The following KCNIP1 variants were observed in gnomAD, a reference collection of about 807,000 sequenced individuals.
KCNIP1 encodes the protein potassium voltage-gated channel interacting protein 1.
A neutral mutation model predicts 33.0 loss-of-function variants in KCNIP1; 18 were observed. That is an observed-to-expected ratio of 0.55 (90% CI 0.38 to 0.81). KCNIP1 has a LOEUF of 0.81. Among genes scored for constraint, KCNIP1 ranks in the 30% least tolerant of loss-of-function variants. The pLI is 0.00. For missense variants in KCNIP1, 238 were observed against 271.6 expected, an observed-to-expected ratio of 0.88 and a Z score of 0.87; for synonymous variants, 93 against 98.3, an observed-to-expected ratio of 0.95 and a Z score of 0.32.
chr5:170,423,298 T>C (rs1309929023), intron 1 of KCNIP1, among the ~76,000 whole-genome samples: 5 of 151,902 alleles, frequency 3.3e-5, no homozygotes, highest in African/African-American at 1.2e-4. Flanking sequence ...TTTTTTTTTT[T>C]TCAATTCCTA....
intron 1 of KCNIP1, among the ~76,000 whole-genome samples, chr5:170,597,432 G>A (rs1341902213): frequency 6.6e-6 from 1 of 152,058 alleles, no homozygotes; most frequent in Admixed American, 6.5e-5. Flanking sequence ...CTTTATCTGT[G>A]CTTGCAAAGA....
chr5:170,434,987 G>C (rs1207189030), intron 1 of KCNIP1, among the ~76,000 whole-genome samples: 1 of 152,166 alleles, frequency 6.6e-6, no homozygotes. Flanking sequence ...AGGATGGAAG[G>C]GAACGCCCAG....
At chr5:170,456,823 A>G (rs1413662763) in intron 1 of KCNIP1, among the ~76,000 whole-genome samples, 1 of 151,844 alleles carries the variant, frequency 6.6e-6, no homozygotes, top group Non-Finnish European at 1.5e-5. Context: ...GACTTAAGTG[A>G]TCCTCCTACC....
At chr5:170,524,522 A>G (rs995703171) in intron 1 of KCNIP1, among the ~76,000 whole-genome samples, 2 of 152,166 alleles carry the variant, frequency 1.3e-5, no homozygotes, top group Admixed American at 1.3e-4. Context: ...AATAGTAATA[A>G]CAGAACCCAT....
chr5:170,379,708 G>T (rs1764162033), intron 1 of KCNIP1, among the ~76,000 whole-genome samples: 1 of 152,146 alleles, frequency 6.6e-6, no homozygotes, highest in African/African-American at 2.4e-5. Flanking sequence ...TAACACTTTG[G>T]GAAGCCGAAG....
chr5:170,699,555 T>TG (rs991954585), intron 1 of KCNIP1, among the ~76,000 whole-genome samples: 5 of 118,224 alleles, frequency 4.2e-5, no homozygotes, highest in Non-Finnish European at 5.2e-5. Flanking sequence ...AATTGCTCTG[T>TG]GAAAAAAAAA....
intron 1 of KCNIP1, among the ~76,000 whole-genome samples, chr5:170,527,092 T>A (rs1755605265): frequency 6.6e-6 from 1 of 152,094 alleles, no homozygotes. Flanking sequence ...GCTTCCCTTG[T>A]CCCTCCCTCA....
Position 170,498,521 on chromosome 5 carries a change from C to T in KCNIP1, c.88+144557C>T, listed in dbSNP as rs556279045. ...CTGCTACCCTGAACTTACTGCACCA[C>T]TCTTTCCTTCCTAGCCTGAATGCAA... On this transcript the variant is annotated intron_variant, in intron 1 of 7. Transcript: ENST00000377360. Among the ~76,000 whole-genome samples the T allele has an allele frequency of 5.3e-5, 8 of 152,296 alleles. No individual in the cohort carries two copies. The South Asian group carries it at 1.0e-3, about 20-fold the overall frequency.
At chr5:170,595,934 C>T (rs1239576314) in intron 1 of KCNIP1, among the ~76,000 whole-genome samples, 1 of 152,086 alleles carries the variant, frequency 6.6e-6, no homozygotes, top group Admixed American at 6.6e-5. Context: ...ATGTGAGATG[C>T]ATGTGGGAGT....
intron 1 of KCNIP1, among the ~76,000 whole-genome samples, chr5:170,634,852 G>A (rs1419755683): frequency 6.6e-6 from 1 of 152,202 alleles, no homozygotes; most frequent in Non-Finnish European, 1.5e-5. Flanking sequence ...AGGCATTGCT[G>A]TTAGGAATTG....
intron 1 of KCNIP1, among the ~76,000 whole-genome samples, chr5:170,438,747 C>A (rs1271273295): frequency 6.6e-6 from 1 of 152,158 alleles, no homozygotes; most frequent in East Asian, 1.9e-4. Flanking sequence ...TGGTCTAGAA[C>A]ACTCCCTGTA....
chr5:170,415,157 A>AGGAC (rs1276757196), intron 1 of KCNIP1, among the ~76,000 whole-genome samples: 6 of 152,272 alleles, frequency 3.9e-5, no homozygotes, highest in African/African-American at 1.4e-4. Flanking sequence ...ATAACCCACG[A>AGGAC]GGACGTTGTT....
chr5:170,360,335 C>T (rs1012150214), intron 1 of KCNIP1, among the ~76,000 whole-genome samples: 2 of 152,220 alleles, frequency 1.3e-5, no homozygotes, highest in African/African-American at 4.8e-5. Context: ...TGGGCTCCAA[C>T]CCTGCCATGC....
intron 5 of KCNIP1, among the ~76,000 whole-genome samples, chr5:170,723,844 G>C (rs1031267810): frequency 2.0e-5 from 3 of 152,194 alleles, no homozygotes; most frequent in Non-Finnish European, 4.4e-5. Flanking sequence ...AAAAAGCCAG[G>C]AAAAGTGTTC....
At chr5:170,511,692 G>A (rs565267930) in intron 1 of KCNIP1, among the ~76,000 whole-genome samples, 8 of 152,304 alleles carry the variant, frequency 5.3e-5, no homozygotes, top group Non-Finnish European at 1.0e-4. Context: ...AACCCTGGAG[G>A]ACAAGATGCT....
In KCNIP1 at chr5:170,662,831, A is replaced by G. The variant is rs545430278; in HGVS notation, c.62-55927A>G. On this transcript the variant is annotated intron_variant, in intron 1 of 7. Coordinates refer to ENST00000328939, the MANE Select transcript of KCNIP1 (RefSeq NM_014592.4). ...CACTCCCTGGAGAAAAACCTATCCC[A>G]CACACCCTCACATATTCTTCAAGAT... Among the ~76,000 whole-genome samples, 3 of 152,184 alleles carry G rather than the reference A, an allele frequency of 2.0e-5. No homozygotes were observed. In the South Asian group the frequency reaches 6.2e-4, roughly 32 times the overall value.
At chr5:170,454,697 G>T (rs1038677149) in intron 1 of KCNIP1, among the ~76,000 whole-genome samples, 2 of 152,152 alleles carry the variant, frequency 1.3e-5, no homozygotes, top group East Asian at 3.8e-4. Context: ...AAATATTTCA[G>T]AATTAAGAAT....
chr5:170,544,945 C>A (rs943379985), intron 1 of KCNIP1, among the ~76,000 whole-genome samples: 2 of 152,082 alleles, frequency 1.3e-5, no homozygotes, highest in Non-Finnish European at 2.9e-5. Context: ...TTATACTAAC[C>A]CAAATATCTC....
At chr5:170,544,028 A>C (rs1389215707) in intron 1 of KCNIP1, among the ~76,000 whole-genome samples, 1 of 152,200 alleles carries the variant, frequency 6.6e-6, no homozygotes, top group East Asian at 1.9e-4. Flanking sequence ...CTCATTCGTA[A>C]GTATTTTTGT....
Sources: allele counts gnomAD v4.1 joint callset (sites outside exome capture counted in the v4.1 genomes callset), GRCh38; gene constraint gnomAD v4.1.1; transcripts MANE v1.5; gene names NCBI Gene and HGNC (gene_info 2026-07-23, HGNC 2026-07-21).